The following SORCS2 variants were observed in gnomAD, a reference collection of about 807,000 sequenced individuals.
SORCS2 encodes VPS10 domain-containing receptor SorCS2.
SORCS2 carries 100 observed loss-of-function variants against 141.6 expected under a neutral mutation model. The ratio of observed to expected loss-of-function variants is 0.71; its 90% CI spans 0.60 to 0.83. SORCS2 has a LOEUF of 0.83. SORCS2 is among the 40% of genes least tolerant of loss of function. The probability of loss-of-function intolerance (pLI) is 0.00; values close to 1 mark genes in which losing one functional copy is unlikely to be tolerated. For synonymous variants in SORCS2, 789 were observed against 676.9 expected, an observed-to-expected ratio of 1.17 and a Z score of -2.57; for missense variants, 1,646 against 1,560.2, an observed-to-expected ratio of 1.05 and a Z score of -0.93.
intron 3 of SORCS2, among the ~76,000 whole-genome samples, chr4:7,620,154 G>A (rs1462151429): frequency 3.3e-5 from 5 of 152,060 alleles, no homozygotes; most frequent in East Asian, 1.9e-4. Flanking sequence ...TGCGGATTGC[G>A]ATCTTTTGGA....
intron 10 of SORCS2, among the ~76,000 whole-genome samples, chr4:7,684,074 C>T (rs2884743): frequency 0.8 from 122,070 of 152,086 alleles, 49,148 homozygotes; most frequent in Middle Eastern, 0.89. Context: ...CTGTGAGACA[C>T]GGCCTCTCCC....
At position 7,460,782 on chromosome 4, in the gene SORCS2, G is replaced by A. The variant is rs111640890; in HGVS notation, c.548+64427G>A. Among the ~76,000 whole-genome samples the A allele has an allele frequency of 1.5e-4, 23 of 152,194 alleles. 1 individual carries two copies. In the East Asian group the frequency reaches 3.1e-3, roughly 20 times the overall value. ...GTGTCCCATGAGGTCACTTTTCAGC[G>A]GTCACGTGACAGCTCGATGTTGCAT... On this transcript the variant is annotated intron_variant, in intron 2 of 26. Transcript: ENST00000507866.
chr4:7,316,147 A>G (rs1272943818), intron 1 of SORCS2, among the ~76,000 whole-genome samples: 1 of 148,558 alleles, frequency 6.7e-6, no homozygotes. Flanking sequence ...TCATCCATCC[A>G]TTCATCCATC....
At chr4:7,281,074 C>A (rs1455749346) in intron 1 of SORCS2, among the ~76,000 whole-genome samples, 2 of 152,172 alleles carry the variant, frequency 1.3e-5, no homozygotes, top group African/African-American at 4.8e-5. Flanking sequence ...CCCACGGTAT[C>A]TCTACATTTT....
chr4:7,477,072 A>G (rs1440938993), intron 2 of SORCS2, among the ~76,000 whole-genome samples: 1 of 152,178 alleles, frequency 6.6e-6, no homozygotes, highest in Admixed American at 6.5e-5. Context: ...TGCAGCTGTC[A>G]GTGACCTCAG....
Position 7,447,691 on chromosome 4 carries a change from G to A in SORCS2, c.548+51336G>A, listed in dbSNP as rs942035174. ...GGGGTCCTCCAGGCTCAGCAGCCAT[G>A]GGGACAGGCTCGGGGCAGGACCCCG... On this transcript the variant is annotated intron_variant, in intron 2 of 26. Coordinates refer to ENST00000507866, the MANE Select transcript of SORCS2 (RefSeq NM_020777.3). 3.3e-5 allele frequency among the ~76,000 whole-genome samples: 5 copies of A among 152,152 alleles called. No homozygotes were observed. In the East Asian group the frequency reaches 9.6e-4, roughly 29 times the overall value.
In SORCS2 at chr4:7,265,121, G is replaced by A. The variant is rs373721701; in HGVS notation, c.480+71995G>A. Among the ~76,000 whole-genome samples the A allele has an allele frequency of 7.3e-4, 111 of 152,322 alleles. 1 individual carries two copies. In the East Asian group the frequency reaches 0.013, roughly 17 times the overall value. On this transcript the variant is annotated intron_variant, in intron 1 of 26. Coordinates refer to ENST00000507866, the MANE Select transcript of SORCS2 (RefSeq NM_020777.3). ...GGTGTGTTAATGTCCCGTGGCTGCC[G>A]TAACTAAGGACCACAGACTGGGTGG...
chr4:7,233,620 C>A lies in SORCS2; in HGVS notation c.480+40494C>A, dbSNP rs987259214. Reference sequence around the variant, plus strand: ...GGCTGGCGGTCACCGTGGAGTGCAGCGCTTCTCAGGTGGGACGTTCTAAGG... The same window carrying A: ...GGCTGGCGGTCACCGTGGAGTGCAGAGCTTCTCAGGTGGGACGTTCTAAGG... On this transcript the variant is annotated intron_variant, in intron 1 of 26. Coordinates refer to ENST00000507866, the MANE Select transcript of SORCS2 (RefSeq NM_020777.3). The surrounding 1 kb of genome is among the most constrained non-coding windows in gnomAD (Gnocchi z 4.5). 1.3e-5 allele frequency among the ~76,000 whole-genome samples: 2 copies of A among 152,124 alleles called. No individual in the cohort carries two copies. Among genetic ancestry groups the A allele is most frequent in the Admixed American group, 1.3e-4 (2 of 15,280 alleles).
intron 12 of SORCS2, among the ~76,000 whole-genome samples, chr4:7,702,933 G>A (rs189416237): frequency 5.3e-5 from 8 of 152,344 alleles, no homozygotes; most frequent in Admixed American, 2.6e-4. Context: ...GCTGTGTATC[G>A]TAAATATTTT....
chr4:7,737,267 C>T lies in SORCS2; in HGVS notation c.3415+95C>T, dbSNP rs369329262. The stretch of plus-strand genomic sequence containing the variant: ...CCTCCCACAGGCCACCCCGCTGGGC[C>T]GCTGGGGCCAGCAAAACGCTGGCCC... On this transcript the variant is annotated intron_variant, in intron 26 of 26. Coordinates refer to ENST00000507866, the MANE Select transcript of SORCS2 (RefSeq NM_020777.3). The T allele has an allele frequency of 1.2e-4, 184 of 1,508,026 alleles. No individual in the cohort carries two copies. In the South Asian group the frequency reaches 2.1e-3, roughly 17 times the overall value. 93.4% of individuals were successfully genotyped at this position (1,508,026 alleles called of 1,614,324 possible).
Position 7,697,288 on chromosome 4 carries a change from G to A in SORCS2, c.1668+14G>A. 6.4e-7 allele frequency: 1 copy of A among 1,573,912 alleles called. No homozygotes were observed. Among genetic ancestry groups the A allele is most frequent in the Non-Finnish European group, 8.6e-7 (1 of 1,159,966 alleles). On this transcript the variant is annotated intron_variant, in intron 12 of 26. Transcript: ENST00000507866. ...ACCTGGCGGCAGGTAAGCTGGCTGGGAGGTGCCTGGTACCCCCCACCCCAT... is the reference window on the plus strand; with the variant it reads ...ACCTGGCGGCAGGTAAGCTGGCTGGAAGGTGCCTGGTACCCCCCACCCCAT...
chr4:7,591,598 C>T (rs16840586), intron 3 of SORCS2, among the ~76,000 whole-genome samples: 7,833 of 152,300 alleles, frequency 0.051, 274 homozygotes, highest in African/African-American at 0.077. Flanking sequence ...GCACACTCAA[C>T]CCTGGGCAAT....
chr4:7,500,745 G>A (rs765994396), intron 2 of SORCS2, among the ~76,000 whole-genome samples: 3 of 152,222 alleles, frequency 2.0e-5, no homozygotes, highest in Non-Finnish European at 2.9e-5. Context: ...TCTCTGAGCT[G>A]AGGCTGTAAC....
chr4:7,417,764 C>T (rs550213368), intron 2 of SORCS2, among the ~76,000 whole-genome samples: 1 of 152,326 alleles, frequency 6.6e-6, no homozygotes, highest in South Asian at 2.1e-4. Context: ...GCAGAAGATG[C>T]AGAGAGCTGA....
intron 3 of SORCS2, among the ~76,000 whole-genome samples, chr4:7,569,661 G>T (rs1715251209): frequency 6.6e-6 from 1 of 152,230 alleles, no homozygotes; most frequent in Non-Finnish European, 1.5e-5. Context: ...TTCGCCATGG[G>T]TTTATCAGGA....
rs1045694024 is a variant in SORCS2, at chr4:7,710,631, G to C, written c.1869-2102G>C. On this transcript the variant is annotated intron_variant, in intron 14 of 26. Coordinates refer to ENST00000507866, the MANE Select transcript of SORCS2 (RefSeq NM_020777.3). ...TTGAGTTGGGGCTCTCCAATGTTGA[G>C]GCCGTCCAAGTGGGGTCCATCTGGA... Among the ~76,000 whole-genome samples, 43 of 152,330 alleles carry C rather than the reference G, an allele frequency of 2.8e-4. No homozygotes were observed. The East Asian group carries it at 3.5e-3, about 12-fold the overall frequency.
chr4:7,543,963 TCCATCCATCCAC>T (rs1713023609), intron 3 of SORCS2, among the ~76,000 whole-genome samples: 1 of 73,892 alleles, frequency 1.4e-5, no homozygotes, highest in Non-Finnish European at 2.7e-5. Flanking sequence ...CATCCATCCA[TCCATCCATCCAC>T]CCATCCGTCC....
chr4:7,357,513 C>G (rs867433794), intron 1 of SORCS2, among the ~76,000 whole-genome samples: 2 of 152,164 alleles, frequency 1.3e-5, no homozygotes, highest in Non-Finnish European at 2.9e-5. Context: ...TTTCCGGAGG[C>G]GTTGATTACG....
intron 2 of SORCS2, among the ~76,000 whole-genome samples, chr4:7,494,433 G>T (rs1194538999): frequency 6.6e-6 from 1 of 152,154 alleles, no homozygotes; most frequent in East Asian, 1.9e-4. Flanking sequence ...GAGGCTGGAA[G>T]TCCAAGATCA....
Sources: gnomAD v4.1 joint callset for allele counts (sites outside exome capture counted in the v4.1 genomes callset) on GRCh38, gnomAD v4.1.1 for gene constraint, Gnocchi (gnomAD v3.1) non-coding constraint, MANE v1.5 for transcripts, NCBI Gene and HGNC (gene_info 2026-07-23, HGNC 2026-07-21) for gene names.